The following ACACA variants were observed in gnomAD, a reference collection of about 807,000 sequenced individuals.
ACACA encodes the protein acetyl-CoA carboxylase alpha.
A neutral mutation model predicts 296.1 loss-of-function variants in ACACA; 103 were observed. That is an observed-to-expected ratio of 0.35 (90% CI 0.30 to 0.41). The LOEUF is 0.41. Ranked by LOEUF, ACACA falls within the 10% of genes least tolerant of loss-of-function variation. The probability of loss-of-function intolerance (pLI) is 1.00; values close to 1 mark genes in which losing one functional copy is unlikely to be tolerated. For synonymous variants in ACACA, 953 were observed against 1,038.6 expected (o/e 0.92, Z 1.58); for missense variants, 1,554 against 2,989.7 (o/e 0.52, Z 11.20).
chr17:37,335,121 T>G (rs2048056246), intron 2 of ACACA, among the ~76,000 whole-genome samples: 1 of 152,072 alleles, frequency 6.6e-6, no homozygotes, highest in East Asian at 1.9e-4. Flanking sequence ...AAGGACTAGA[T>G]CTCTCAAAAC....
At position 37,257,807 on chromosome 17, in the gene ACACA, A is replaced by C; in HGVS notation, c.1722T>G (p.Val574=). The C allele has an allele frequency of 6.2e-7, 1 of 1,614,166 alleles. No homozygotes were observed. Residue 574 remains valine, a synonymous_variant, in exon 14 of 56, where the codon GTT becomes GTG. Transcript: ENST00000616317. Reference sequence around the variant, plus strand: ...CAGCAGCAACACTGAAATATCCCCAAACATTCTTATTGCTGCGGAAATTTA... The same window carrying C: ...CAGCAGCAACACTGAAATATCCCCACACATTCTTATTGCTGCGGAAATTTA... The part of the protein sequence containing the change: ...QELNFRSNKN[V]WGYFSVAAAG...
chr17:37,357,716 G>A (rs896904008), intron 1 of ACACA, among the ~76,000 whole-genome samples: 1 of 152,130 alleles, frequency 6.6e-6, no homozygotes, highest in Non-Finnish European at 1.5e-5. Context: ...TAGCAAGCAG[G>A]CATCTATCTG....
At position 37,224,460 on chromosome 17, in the gene ACACA, G is replaced by A. The variant is rs891789907; in HGVS notation, c.3474+532C>T. 5.3e-5 allele frequency among the ~76,000 whole-genome samples: 8 copies of A among 152,064 alleles called. No homozygotes were observed. The East Asian group carries it at 7.7e-4, about 15-fold the overall frequency. Reference sequence around the variant, plus strand: ...AAGATAACATTTAAAAAATAATTGCGGTGGTCCTTCTGATTAGTAGTAAAA... The same window carrying A: ...AAGATAACATTTAAAAAATAATTGCAGTGGTCCTTCTGATTAGTAGTAAAA... On this transcript the variant is annotated intron_variant, in intron 27 of 55. Transcript: ENST00000616317.
At chr17:37,198,661 G>A (rs925742223) in intron 35 of ACACA, among the ~76,000 whole-genome samples, 7 of 152,138 alleles carry the variant, frequency 4.6e-5, no homozygotes, top group African/African-American at 9.7e-5. Flanking sequence ...CACTCTGCTT[G>A]ATTTCCTGAC....
At chr17:37,144,155 T>C in intron 45 of ACACA, 1 of 750,166 alleles carries the variant, frequency 1.3e-6, no homozygotes, top group East Asian at 2.5e-5. Flanking sequence ...GTCTTCCACC[T>C]CTCTGAGCAC....
intron 41 of ACACA, among the ~76,000 whole-genome samples, chr17:37,168,545 G>C (rs181946937): frequency 1.3e-5 from 2 of 151,646 alleles, no homozygotes; most frequent in South Asian, 2.1e-4. Context: ...TTTAAGGGGG[G>C]AAAAAAATCT....
At chr17:37,393,009 G>A (rs892214049) in intron 1 of ACACA, among the ~76,000 whole-genome samples, 6 of 151,896 alleles carry the variant, frequency 4.0e-5, no homozygotes, top group Non-Finnish European at 2.9e-5. Context: ...GGGCATGGTG[G>A]AGGGCACCTA....
rs569952089 is a variant in ACACA, at chr17:37,360,125, T to G, written c.39-20275A>C. The stretch of plus-strand genomic sequence containing the variant: ...GTAGCTGTGTGTTGAAAATTAATAA[T>G]AACTGGAAGGGGTCCCAACACAATA... On this transcript the variant is annotated intron_variant, in intron 1 of 55. Transcript: ENST00000616317. 3 of 152,096 alleles carry G rather than the reference T, an allele frequency of 2.0e-5. No individual in the cohort carries two copies. The South Asian group carries it at 6.2e-4, about 32-fold the overall frequency. 9.4% of individuals were successfully genotyped at this position (152,096 alleles called of 1,614,324 possible).
At chr17:37,182,280 C>T (rs1430544748) in intron 39 of ACACA, among the ~76,000 whole-genome samples, 1 of 151,826 alleles carries the variant, frequency 6.6e-6, no homozygotes, top group East Asian at 1.9e-4. Context: ...TCTCACTAGC[C>T]CATGAGACAC....
chr17:37,165,924 G>A (rs940363579), intron 41 of ACACA, among the ~76,000 whole-genome samples: 5 of 151,956 alleles, frequency 3.3e-5, no homozygotes, highest in South Asian at 2.1e-4. Context: ...CCATCCTCCT[G>A]CCTAGGCCTC....
At chr17:37,278,919 G>T (rs1027498576) in intron 5 of ACACA, among the ~76,000 whole-genome samples, 1 of 151,946 alleles carries the variant, frequency 6.6e-6, no homozygotes, top group African/African-American at 2.4e-5. Flanking sequence ...GGACATCCAG[G>T]TTTGTTACAT....
chr17:37,280,192 G>A (rs536472738), intron 5 of ACACA, among the ~76,000 whole-genome samples: 1 of 152,076 alleles, frequency 6.6e-6, no homozygotes, highest in Non-Finnish European at 1.5e-5. Flanking sequence ...TATTGTTTTG[G>A]TTTAGATTTC....
Position 37,161,852 on chromosome 17 carries a change from T to A in ACACA, c.5278A>T (p.Arg1760Ter). The A allele has an allele frequency of 6.2e-7, 1 of 1,614,152 alleles. No individual in the cohort carries two copies. Among genetic ancestry groups the A allele is most frequent in the Non-Finnish European group, 8.5e-7 (1 of 1,180,016 alleles). The change falls in exon 42 of 56, where the codon AGA becomes TGA. Residue 1760 changes from arginine to a stop codon, truncating the protein, a stop_gained. Transcript: ENST00000616317. LOFTEE classifies it high-confidence loss of function. ...CGAATTTCTTCTGCCAGTCCGATTC[T>A]TGCTCCACTGTTGGCTGATACATAG... ...RIYVSANSGA[R>*]IGLAEEIRHM...
At chr17:37,294,495 C>G (rs922930029) in intron 3 of ACACA, among the ~76,000 whole-genome samples, 2 of 152,144 alleles carry the variant, frequency 1.3e-5, no homozygotes, top group African/African-American at 4.8e-5. Context: ...GATTCAATCG[C>G]TTTTAACTGG....
rs373524542 is a variant in ACACA at position 37,406,276 on chromosome 17, T to A, written c.24A>T (p.Ser8=). Residue 8 remains serine (S), a synonymous_variant, in exon 1 of 56, where the codon TCA becomes TCT. Transcript: ENST00000616317. MWWSTLM[S]ILRARSFWKW... is the part of the protein sequence containing the mutation. ...TTGGGACATACCTAGCCCTCAAGATTGACATCAGAGTAGACCACCACATCC... is the reference window on the plus strand; with the variant it reads ...TTGGGACATACCTAGCCCTCAAGATAGACATCAGAGTAGACCACCACATCC... The A allele has an allele frequency of 2.5e-6, 4 of 1,614,078 alleles. No homozygotes were observed. The African/African-American group carries it at 5.3e-5, about 22-fold the overall frequency.
At position 37,341,312 on chromosome 17, in the gene ACACA, C is replaced by T. The variant is rs573279698; in HGVS notation, c.39-1462G>A. On this transcript the variant is annotated intron_variant, in intron 1 of 55. Transcript: ENST00000616317. ...TGTTAAGATATACCATAGTTTATGA[C>T]AGTATCCATAGTTTTGTAAATTTTT... Among the ~76,000 whole-genome samples, 42 of 152,192 alleles carry T rather than the reference C, an allele frequency of 2.8e-4. 1 individual carries two copies. The South Asian group carries it at 8.3e-3, about 30-fold the overall frequency.
chr17:37,268,111 G>A (rs1208023191), intron 10 of ACACA, among the ~76,000 whole-genome samples: 3 of 151,934 alleles, frequency 2.0e-5, no homozygotes, highest in Non-Finnish European at 2.9e-5. Context: ...AATATATTAC[G>A]CAGAATTACT....
In ACACA at chr17:37,359,727, C is replaced by T. The variant is rs560728759; in HGVS notation, c.39-19877G>A. ...AACACATTAACAAGGGGTGGGCAAT[C>T]GCGTCCACTACCTGTCCTCATCACG... On this transcript the variant is annotated intron_variant, in intron 1 of 55. Transcript: ENST00000616317. Among the ~76,000 whole-genome samples, 11 of 152,210 alleles carry T rather than the reference C, an allele frequency of 7.2e-5. No individual in the cohort carries two copies. The East Asian group carries it at 1.7e-3, about 24-fold the overall frequency.
At chr17:37,182,345 TA>T (rs1215991938) in intron 39 of ACACA, among the ~76,000 whole-genome samples, 1 of 151,432 alleles carries the variant, frequency 6.6e-6, no homozygotes, top group Non-Finnish European at 1.5e-5. Flanking sequence ...TTATGTATAT[TA>T]AAAAACATAT....
Sources: allele counts gnomAD v4.1 joint callset (sites outside exome capture counted in the v4.1 genomes callset), GRCh38; gene constraint gnomAD v4.1.1; transcripts MANE v1.5; gene names NCBI Gene and HGNC (gene_info 2026-07-23, HGNC 2026-07-21).